Variants in CMSS1 observed in about 807,000 individuals in gnomAD.
CMSS1 encodes the protein cms1 ribosomal small subunit homolog.
A neutral mutation model predicts 43.5 loss-of-function variants in CMSS1; 33 were observed. That is an observed-to-expected ratio of 0.76 (90% CI 0.57 to 1.01). The LOEUF (loss-of-function observed/expected upper bound fraction) is 1.01. CMSS1 is among the 50% of genes least tolerant of loss of function. CMSS1 has a pLI of 0.00. For synonymous variants in CMSS1, 115 were observed against 117.2 expected, an observed-to-expected ratio of 0.98 and a Z score of 0.12; for missense variants, 313 against 326.4, an observed-to-expected ratio of 0.96 and a Z score of 0.32.
chr3:100,061,433 G>C (rs1388638042), intron 1 of CMSS1, among the ~76,000 whole-genome samples: 1 of 152,168 alleles, frequency 6.6e-6, no homozygotes, highest in Non-Finnish European at 1.5e-5. Flanking sequence ...GGTTATTCCA[G>C]GGTGTTAATT....
intron 1 of CMSS1, among the ~76,000 whole-genome samples, chr3:100,013,432 C>T (rs1710225619): frequency 6.6e-6 from 1 of 151,720 alleles, no homozygotes; most frequent in South Asian, 2.1e-4. Context: ...TTAGTAGAGA[C>T]CGGGTTTCCC....
At chr3:100,093,710 C>G (rs749348962) in intron 1 of CMSS1, among the ~76,000 whole-genome samples, 1 of 152,156 alleles carries the variant, frequency 6.6e-6, no homozygotes, top group Non-Finnish European at 1.5e-5. Flanking sequence ...CCTCCCATCC[C>G]CTACTCTCTC....
intron 4 of CMSS1, 122 bp downstream of exon 4, chr3:100,162,554 TC>T: frequency 1.9e-6 from 2 of 1,046,214 alleles, no homozygotes; most frequent in Non-Finnish European, 2.7e-6. Context: ...ATGCCTATAA[TC>T]CCAGCACTTT....
chr3:99,887,090 G>A (rs1433494669), intron 1 of CMSS1, among the ~76,000 whole-genome samples: 1 of 151,634 alleles, frequency 6.6e-6, no homozygotes, highest in South Asian at 2.1e-4. Flanking sequence ...TGACCAACAT[G>A]GAGAAACCCC....
chr3:100,062,348 C>A (rs1298919375), intron 1 of CMSS1, among the ~76,000 whole-genome samples: 1 of 151,734 alleles, frequency 6.6e-6, no homozygotes, highest in Non-Finnish European at 1.5e-5. Context: ...CCTGACCTCG[C>A]GATCCACCCG....
intron 1 of CMSS1, among the ~76,000 whole-genome samples, chr3:99,964,807 A>G (rs1435783617): frequency 6.6e-6 from 1 of 152,264 alleles, no homozygotes; most frequent in Non-Finnish European, 1.5e-5. Context: ...GGGGGATCAT[A>G]CCTTCACACA....
chr3:100,087,094 A>G (rs2066022335), intron 1 of CMSS1, among the ~76,000 whole-genome samples: 1 of 152,188 alleles, frequency 6.6e-6, no homozygotes, highest in African/African-American at 2.4e-5. Flanking sequence ...TTGCTAATCC[A>G]ATTACGAGTT....
rs182636645 is a variant in CMSS1 at position 99,926,472 on chromosome 3, A to G, written c.64+108429A>G. Among the ~76,000 whole-genome samples the G allele has an allele frequency of 2.0e-5, 3 of 152,344 alleles. No homozygotes were observed. In the East Asian group the frequency reaches 5.8e-4, roughly 29 times the overall value. On this transcript the variant is annotated intron_variant, in intron 1 of 9. Coordinates refer to ENST00000421999, the MANE Select transcript of CMSS1 (RefSeq NM_032359.4). ...AAATTTTATCTTCAGTTGCCCAAAC[A>G]TTAGAGTCCATTGTAAGGAAAATTC...
intron 1 of CMSS1, among the ~76,000 whole-genome samples, chr3:100,010,778 A>ATTTTTTTTTTTTTTTTTT (rs11371196): frequency 1.1e-5 from 1 of 93,678 alleles, no homozygotes; most frequent in Non-Finnish European, 2.0e-5. Context: ...CCACGCCCGG[A>ATTTTTTTTTTTTTTTTTT]TTTTTTTTTT....
intron 1 of CMSS1, among the ~76,000 whole-genome samples, chr3:100,010,611 T>TC (rs1247813152): frequency 2.1e-5 from 3 of 141,720 alleles, no homozygotes; most frequent in African/African-American, 5.0e-5. Flanking sequence ...AGTTTTTCTT[T>TC]CTTTTTTTTT....
At chr3:99,934,732 C>T (rs368867434) in intron 1 of CMSS1, among the ~76,000 whole-genome samples, 1 of 152,194 alleles carries the variant, frequency 6.6e-6, no homozygotes, top group Admixed American at 6.5e-5. Context: ...CCTCACCTCA[C>T]TCTTAAAGTG....
At chr3:99,901,247 T>C (rs1362936533) in intron 1 of CMSS1, among the ~76,000 whole-genome samples, 1 of 152,234 alleles carries the variant, frequency 6.6e-6, no homozygotes, top group Non-Finnish European at 1.5e-5. Context: ...AGTACCTTCC[T>C]TTAGAGATGC....
chr3:100,140,043 C>A (rs2066792588), intron 1 of CMSS1, among the ~76,000 whole-genome samples: 1 of 152,104 alleles, frequency 6.6e-6, no homozygotes, highest in East Asian at 1.9e-4. Flanking sequence ...AATCAAAATC[C>A]ATAGAACTCT....
chr3:99,888,471 A>G (rs980100325), intron 1 of CMSS1, among the ~76,000 whole-genome samples: 5 of 152,256 alleles, frequency 3.3e-5, no homozygotes, highest in African/African-American at 1.2e-4. Flanking sequence ...GTGGCTGGGT[A>G]AAGATCTCCC....
chr3:99,902,633 T>G (rs1191879350), intron 1 of CMSS1, among the ~76,000 whole-genome samples: 1 of 152,222 alleles, frequency 6.6e-6, no homozygotes. Context: ...CAGTAGACAC[T>G]GGACAACCAA....
At chr3:99,960,488 C>T (rs1023525160) in intron 1 of CMSS1, among the ~76,000 whole-genome samples, 5 of 152,302 alleles carry the variant, frequency 3.3e-5, no homozygotes, top group Admixed American at 2.6e-4. Flanking sequence ...GTAGAAGCAA[C>T]ATTCTGATTA....
chr3:99,941,451 G>A (rs1240549791), intron 1 of CMSS1, among the ~76,000 whole-genome samples: 1 of 152,164 alleles, frequency 6.6e-6, no homozygotes, highest in Non-Finnish European at 1.5e-5. Context: ...AATGAAAAAG[G>A]GTTCCCAGGC....
intron 1 of CMSS1, among the ~76,000 whole-genome samples, chr3:99,882,945 G>A (rs1343139963): frequency 6.6e-6 from 1 of 152,186 alleles, no homozygotes; most frequent in African/African-American, 2.4e-5. Flanking sequence ...TAATGGAGAT[G>A]TCTGAACTTT....
At chr3:100,016,568 C>T (rs923643953) in intron 1 of CMSS1, among the ~76,000 whole-genome samples, 1 of 152,102 alleles carries the variant, frequency 6.6e-6, no homozygotes, top group African/African-American at 2.4e-5. Context: ...AAACTTCCTC[C>T]CTGATGTGAA....
Sources: allele counts gnomAD v4.1 joint callset (sites outside exome capture counted in the v4.1 genomes callset), GRCh38; gene constraint gnomAD v4.1.1; transcripts MANE v1.5; gene names NCBI Gene and HGNC (gene_info 2026-07-23, HGNC 2026-07-21).